Variants in INIP observed in about 807,000 individuals in gnomAD.
INIP encodes SOSS complex subunit C.
INIP carries 9 observed loss-of-function variants against 14.0 expected under a neutral mutation model. The observed-to-expected ratio is 0.64, with a 90% confidence interval of 0.39 to 1.12. The LOEUF (loss-of-function observed/expected upper bound fraction) is 1.12. Among genes scored for constraint, INIP ranks in the 50% most tolerant of loss-of-function variants. INIP has a pLI of 0.01. For synonymous variants in INIP, 37 were observed against 41.5 expected (o/e 0.89, Z 0.41); for missense variants, 78 against 122.7 (o/e 0.64, Z 1.72).
intron 2 of INIP, among the ~76,000 whole-genome samples, chr9:112,704,266 C>T (rs1012777996): frequency 2.6e-5 from 4 of 152,162 alleles, no homozygotes; most frequent in Admixed American, 6.5e-5. Context: ...ACCGAGTAGA[C>T]ATTGTGAGTT....
rs111893760 is a variant in INIP, at chr9:112,687,692, G to A, written c.220-59C>T. 3.6e-3 allele frequency: 3,472 copies of A among 953,530 alleles called. 105 individuals carry two copies. In the African/African-American group the frequency reaches 0.05, roughly 14 times the overall value. 59.1% of individuals were successfully genotyped at this position (953,530 alleles called of 1,614,324 possible). Reference sequence around the variant, plus strand: ...CTATTAAATAGAGTCACAATTCTTCGACCAAGGCATTAAAATTACTCTTTC... The same window carrying A: ...CTATTAAATAGAGTCACAATTCTTCAACCAAGGCATTAAAATTACTCTTTC... On this transcript the variant is annotated intron_variant, in intron 4 of 4. Coordinates refer to ENST00000374242, the MANE Select transcript of INIP (RefSeq NM_021218.3).
chr9:112,691,658 G>A (rs1171756516), intron 3 of INIP, among the ~76,000 whole-genome samples: 5 of 152,236 alleles, frequency 3.3e-5, no homozygotes, highest in South Asian at 2.1e-4. Context: ...AATCAAGATA[G>A]TCTCCTCCTA....
chr9:112,687,959 G>A (rs984086246), intron 4 of INIP, among the ~76,000 whole-genome samples: 11 of 152,052 alleles, frequency 7.2e-5, no homozygotes, highest in African/African-American at 2.4e-4. Context: ...GGTGGCGGGT[G>A]CCTGTAGTCC....
At chr9:112,716,934 C>G (rs1838840655) in intron 1 of INIP, among the ~76,000 whole-genome samples, 1 of 146,844 alleles carries the variant, frequency 6.8e-6, no homozygotes, top group Admixed American at 6.8e-5. Flanking sequence ...CAGTTTGGGC[C>G]ACAGAGCGAG....
intron 1 of INIP, among the ~76,000 whole-genome samples, chr9:112,716,891 G>T (rs1158517651): frequency 6.6e-6 from 1 of 151,186 alleles, no homozygotes; most frequent in Non-Finnish European, 1.5e-5. Flanking sequence ...GGTGGCGGAG[G>T]TTGCAGTGAG....
Position 112,716,451 on chromosome 9 carries a change from C to T in INIP, c.25+10G>A. 1 of 1,612,350 alleles carries T rather than the reference C, an allele frequency of 6.2e-7. No homozygotes were observed. The highest frequency in any genetic ancestry group is 8.5e-7 in the Non-Finnish European group (1 of 1,178,446). On this transcript the variant is annotated intron_variant, in intron 2 of 4. Transcript: ENST00000374242. ...AATGTTCATAGTAAAGAAATTCCTGCTGTCATTACCTTGTCCTGAAGAGTT... is the reference window on the plus strand; with the variant it reads ...AATGTTCATAGTAAAGAAATTCCTGTTGTCATTACCTTGTCCTGAAGAGTT...
chr9:112,700,173 C>T (rs570142708), intron 2 of INIP, among the ~76,000 whole-genome samples: 71 of 152,240 alleles, frequency 4.7e-4, no homozygotes, highest in African/African-American at 1.6e-3. Flanking sequence ...TTCCCTGTTC[C>T]ACACTGATTT....
At chr9:112,690,331 A>G (rs1268690838) in intron 3 of INIP, among the ~76,000 whole-genome samples, 1 of 152,144 alleles carries the variant, frequency 6.6e-6, no homozygotes, top group Non-Finnish European at 1.5e-5. Context: ...TCTCTACAAA[A>G]ACAAGATTAA....
intron 2 of INIP, among the ~76,000 whole-genome samples, chr9:112,704,145 T>G (rs1212418291): frequency 6.6e-6 from 1 of 152,126 alleles, no homozygotes; most frequent in African/African-American, 2.4e-5. Flanking sequence ...CCAAAAAAAG[T>G]AGGTCACATA....
At chr9:112,703,632 G>T (rs1013568872) in intron 2 of INIP, among the ~76,000 whole-genome samples, 11 of 152,072 alleles carry the variant, frequency 7.2e-5, no homozygotes, top group Non-Finnish European at 1.5e-5. Context: ...TATCAAAATC[G>T]ATTGGACTAT....
intron 3 of INIP, among the ~76,000 whole-genome samples, chr9:112,691,627 T>C (rs1394257853): frequency 1.3e-5 from 2 of 152,338 alleles, no homozygotes; most frequent in East Asian, 1.9e-4. Flanking sequence ...AAGGGACAAA[T>C]AGAGAAATGT....
At chr9:112,698,303 C>CAAAAAAAAAA (rs755265359) in intron 2 of INIP, among the ~76,000 whole-genome samples, 1 of 43,672 alleles carries the variant, frequency 2.3e-5, no homozygotes, top group Non-Finnish European at 4.2e-5. Flanking sequence ...GACTCTGTCT[C>CAAAAAAAAAA]AAAAAAAAAA....
At chr9:112,702,062 A>C (rs1005821142) in intron 2 of INIP, among the ~76,000 whole-genome samples, 3 of 151,980 alleles carry the variant, frequency 2.0e-5, no homozygotes, top group Admixed American at 1.3e-4. Context: ...AAACTGTCTC[A>C]AAAATATATA....
intron 2 of INIP, among the ~76,000 whole-genome samples, chr9:112,713,856 C>T (rs1291919681): frequency 3.9e-5 from 6 of 151,904 alleles, no homozygotes; most frequent in East Asian, 1.9e-4. Context: ...CAGTGGCACG[C>T]GCCTGTAATC....
rs1481320899 is a variant in INIP at position 112,694,126 on chromosome 9, A to T, written c.128+5T>A. The T allele has an allele frequency of 2.6e-6, 4 of 1,551,262 alleles. No individual in the cohort carries two copies. Among genetic ancestry groups the T allele is most frequent in the Non-Finnish European group, 3.5e-6 (4 of 1,131,734 alleles). On this transcript the variant is annotated splice_donor_5th_base_variant and intron_variant, in intron 3 of 4. Transcript: ENST00000374242. ...AACAAAAAACCCACATTATAGTGTCAATACCTAGCTCCAGGATGATTTGTT... is the reference window on the plus strand; with the variant it reads ...AACAAAAAACCCACATTATAGTGTCTATACCTAGCTCCAGGATGATTTGTT...
chr9:112,708,982 C>T (rs1474547865), intron 2 of INIP, among the ~76,000 whole-genome samples: 2 of 151,986 alleles, frequency 1.3e-5, no homozygotes, highest in Non-Finnish European at 2.9e-5. Flanking sequence ...TCATTAGCCA[C>T]CTTTCAGAGT....
rs572894896 is a variant in INIP, at chr9:112,712,241, A to C, written c.25+4220T>G. Reference sequence around the variant, plus strand: ...CTGCTGAACTACACATATCCAGGGGAGATCCCAGGCAGCCCATCAATAAAG... The same window carrying C: ...CTGCTGAACTACACATATCCAGGGGCGATCCCAGGCAGCCCATCAATAAAG... On this transcript the variant is annotated intron_variant, in intron 2 of 4. Transcript: ENST00000374242. 3.9e-5 allele frequency among the ~76,000 whole-genome samples: 6 copies of C among 152,346 alleles called. No individual in the cohort carries two copies. In the South Asian group the frequency reaches 1.2e-3, roughly 32 times the overall value.
intron 2 of INIP, among the ~76,000 whole-genome samples, chr9:112,702,093 C>A (rs1352086526): frequency 2.0e-5 from 3 of 152,072 alleles, no homozygotes; most frequent in Non-Finnish European, 4.4e-5. Flanking sequence ...CACACACACA[C>A]ACACATAATT....
At chr9:112,705,589 G>A (rs1488336922) in intron 2 of INIP, among the ~76,000 whole-genome samples, 2 of 152,108 alleles carry the variant, frequency 1.3e-5, no homozygotes, top group Non-Finnish European at 2.9e-5. Flanking sequence ...GGAATTACAC[G>A]CATAAGCCAC....
Sources: gnomAD v4.1 joint callset for allele counts (sites outside exome capture counted in the v4.1 genomes callset) on GRCh38, gnomAD v4.1.1 for gene constraint, MANE v1.5 for transcripts, NCBI Gene and HGNC (gene_info 2026-07-23, HGNC 2026-07-21) for gene names.